The following TXLNB variants were observed in gnomAD, a reference collection of about 807,000 sequenced individuals.
TXLNB encodes the protein beta-taxilin.
Under a neutral mutation model 57.4 loss-of-function variants are expected in TXLNB, and 37 were observed. The observed-to-expected ratio is 0.64, with a 90% confidence interval of 0.50 to 0.85. The LOEUF is 0.85. TXLNB is among the 40% of genes least tolerant of loss of function. The probability of loss-of-function intolerance (pLI) is 0.00; values close to 1 mark genes in which losing one functional copy is unlikely to be tolerated. For missense variants in TXLNB, 848 were observed against 825.6 expected, an observed-to-expected ratio of 1.03 and a Z score of -0.33; for synonymous variants, 302 against 309.6, an observed-to-expected ratio of 0.98 and a Z score of 0.26.
the TXLNB span, among the ~76,000 whole-genome samples, chr6:139,185,803 A>G: frequency 6.6e-6 from 1 of 152,116 alleles, no homozygotes; most frequent in Non-Finnish European, 1.5e-5. Flanking sequence ...CTTTTTTTCT[A>G]GTCCTTTTTC....
chr6:139,314,235 G>A, the TXLNB span, among the ~76,000 whole-genome samples: 1 of 152,126 alleles, frequency 6.6e-6, no homozygotes, highest in Admixed American at 6.5e-5. Flanking sequence ...AAGACTCTGG[G>A]ACCTTTTAGA....
intron 7 of TXLNB, among the ~76,000 whole-genome samples, chr6:139,254,895 T>A (rs1000577270): frequency 6.6e-6 from 1 of 151,820 alleles, no homozygotes; most frequent in African/African-American, 2.4e-5. Context: ...CTCGGCTCAC[T>A]GCAGCCTCCG....
the TXLNB span, among the ~76,000 whole-genome samples, chr6:139,196,952 G>A: frequency 3.9e-4 from 60 of 152,260 alleles, no homozygotes; most frequent in African/African-American, 1.4e-3. Flanking sequence ...TTTAAGGTCA[G>A]CTGACTAGCA....
chr6:139,266,321 A>G (rs1776613522), intron 4 of TXLNB, among the ~76,000 whole-genome samples: 1 of 152,236 alleles, frequency 6.6e-6, no homozygotes, highest in Admixed American at 6.5e-5. Context: ...AGGTATTATA[A>G]CTATGGTCAA....
the TXLNB span, among the ~76,000 whole-genome samples, chr6:139,301,875 TAAAAC>T: frequency 6.6e-6 from 1 of 152,266 alleles, no homozygotes; most frequent in East Asian, 1.9e-4. Context: ...TCCCGTCCCC[TAAAAC>T]AAAACAAAAC....
intron 8 of TXLNB, 125 bp from the exon 9 acceptor site, chr6:139,244,815 A>C: frequency 1.5e-6 from 1 of 657,954 alleles, no homozygotes; most frequent in Non-Finnish European, 2.7e-6. Context: ...ACAAATGTTC[A>C]ATGTCAAGAA....
intron 1 of TXLNB, among the ~76,000 whole-genome samples, chr6:139,289,508 C>T (rs1233881995): frequency 1.3e-5 from 2 of 152,216 alleles, no homozygotes; most frequent in Non-Finnish European, 2.9e-5. Flanking sequence ...AGGGTTTTGT[C>T]TGCGGCTTGT....
intron 1 of TXLNB, among the ~76,000 whole-genome samples, chr6:139,289,450 G>A (rs535910311): frequency 6.6e-6 from 1 of 152,332 alleles, no homozygotes; most frequent in South Asian, 2.1e-4. Flanking sequence ...GAGTCTTGCT[G>A]ACGCTCCCGG....
At position 139,271,134 on chromosome 6, in the gene TXLNB, ATAATGTTGGG is replaced by A. The variant is rs530976581; in HGVS notation, c.517-518_517-509del. ...AACAGAAGATGAAGTTCTCTTCTTT[ATAATGTTGGG>A]CTCTGAGTGTGGATTGTTTATGTGT... On this transcript the variant is annotated intron_variant, in intron 3 of 9. Transcript: ENST00000358430. Among the ~76,000 whole-genome samples the A allele has an allele frequency of 5.3e-4, 81 of 152,306 alleles. No homozygotes were observed. The East Asian group carries it at 0.015, about 28-fold the overall frequency.
At chr6:139,263,184 T>G (rs958611801) in intron 4 of TXLNB, among the ~76,000 whole-genome samples, 12 of 152,224 alleles carry the variant, frequency 7.9e-5, no homozygotes, top group Admixed American at 7.9e-4. Flanking sequence ...GGGAGAACAA[T>G]AGATCTTATA....
the TXLNB span, among the ~76,000 whole-genome samples, chr6:139,195,115 C>A: frequency 1.3e-5 from 2 of 152,152 alleles, no homozygotes; most frequent in Non-Finnish European, 2.9e-5. Flanking sequence ...CTTTCCAATG[C>A]CTGGAGGCCA....
the TXLNB span, among the ~76,000 whole-genome samples, chr6:139,162,052 A>C: frequency 6.6e-6 from 1 of 152,030 alleles, no homozygotes; most frequent in Admixed American, 6.6e-5. Flanking sequence ...CAGTATCTTT[A>C]ATGCGACTTT....
the TXLNB span, among the ~76,000 whole-genome samples, chr6:139,229,312 C>T: frequency 7.6e-6 from 1 of 131,678 alleles, no homozygotes; most frequent in Non-Finnish European, 1.6e-5. Flanking sequence ...GATTGTGTGT[C>T]ATTTTAAAAT....
At chr6:139,316,628 A>G in the TXLNB span, among the ~76,000 whole-genome samples, 1 of 152,232 alleles carries the variant, frequency 6.6e-6, no homozygotes, top group Non-Finnish European at 1.5e-5. Context: ...CTGTGCTTTA[A>G]CAAGTATCAT....
the TXLNB span, among the ~76,000 whole-genome samples, chr6:139,222,948 G>T: frequency 0.73 from 110,399 of 152,122 alleles, 40,138 homozygotes; most frequent in East Asian, 0.8. Context: ...AACAAATGAA[G>T]AATCAACAGG....
the TXLNB span, among the ~76,000 whole-genome samples, chr6:139,298,618 C>A: frequency 1.3e-5 from 2 of 152,312 alleles, no homozygotes; most frequent in Admixed American, 6.5e-5. Context: ...TTAGTGGCTA[C>A]TATGGGCTGC....
chr6:139,176,865 C>A, the TXLNB span: 3 of 780,206 alleles, frequency 3.8e-6, no homozygotes, highest in Admixed American at 1.9e-5. This position sits in a 1 kb window ranked among gnomAD's most constrained non-coding sequence, Gnocchi z 4.5. Context: ...AGTTTCCCAG[C>A]ATTTTGGTTT....
chr6:139,307,716 A>G, the TXLNB span, among the ~76,000 whole-genome samples: 1 of 152,148 alleles, frequency 6.6e-6, no homozygotes, highest in Non-Finnish European at 1.5e-5. Context: ...TGTTCAACAT[A>G]GTATTGGGTA....
At chr6:139,268,092 G>A (rs2114546913) in intron 4 of TXLNB, among the ~76,000 whole-genome samples, 1 of 148,258 alleles carries the variant, frequency 6.7e-6, no homozygotes, top group African/African-American at 2.5e-5. Flanking sequence ...GGAGGTTGCA[G>A]TGAGCCGAGA....
Sources: gnomAD v4.1 joint callset for allele counts (sites outside exome capture counted in the v4.1 genomes callset) on GRCh38, gnomAD v4.1.1 for gene constraint, Gnocchi (gnomAD v3.1) non-coding constraint, MANE v1.5 for transcripts, NCBI Gene and HGNC (gene_info 2026-07-23, HGNC 2026-07-21) for gene names.